Variants in LRRTM4 observed in about 807,000 individuals in gnomAD.
LRRTM4 encodes leucine-rich repeat transmembrane neuronal protein 4.
Under a neutral mutation model 47.6 loss-of-function variants are expected in LRRTM4, and 25 were observed. The ratio of observed to expected loss-of-function variants is 0.53; its 90% CI spans 0.38 to 0.73. The LOEUF is 0.73. Among genes scored for constraint, LRRTM4 ranks in the 30% least tolerant of loss-of-function variants. LRRTM4 has a pLI of 0.00. For missense variants in LRRTM4, 638 were observed against 713.4 expected (o/e 0.89, Z 1.20); for synonymous variants, 311 against 269.5 (o/e 1.15, Z -1.51).
intron 3 of LRRTM4, among the ~76,000 whole-genome samples, chr2:77,004,464 T>A (rs538861915): frequency 6.6e-6 from 1 of 152,100 alleles, no homozygotes; most frequent in African/African-American, 2.4e-5. Flanking sequence ...AAGTCAAGAA[T>A]TGAGGTTTGT....
At chr2:77,223,725 G>C (rs1674716264) in intron 3 of LRRTM4, among the ~76,000 whole-genome samples, 1 of 152,130 alleles carries the variant, frequency 6.6e-6, no homozygotes, top group East Asian at 1.9e-4. Context: ...CAAACAAATG[G>C]AAGAACATTC....
intron 3 of LRRTM4, among the ~76,000 whole-genome samples, chr2:76,877,671 A>C (rs920975758): frequency 6.6e-6 from 1 of 152,194 alleles, no homozygotes; most frequent in Non-Finnish European, 1.5e-5. Context: ...CTATTTTCTT[A>C]TGATAAAAAC....
chr2:76,937,245 G>A (rs542949885), intron 3 of LRRTM4, among the ~76,000 whole-genome samples: 21 of 152,166 alleles, frequency 1.4e-4, no homozygotes, highest in Admixed American at 1.4e-3. Flanking sequence ...TAAGTAGGAG[G>A]CATATGGCAA....
intron 3 of LRRTM4, among the ~76,000 whole-genome samples, chr2:77,001,229 T>A (rs1414753747): frequency 1.3e-5 from 2 of 152,080 alleles, no homozygotes; most frequent in African/African-American, 4.8e-5. Context: ...CTCAAAAAAG[T>A]AAGGCCCAAA....
At chr2:76,985,433 A>G (rs1676760003) in intron 3 of LRRTM4, among the ~76,000 whole-genome samples, 1 of 151,976 alleles carries the variant, frequency 6.6e-6, no homozygotes, top group Non-Finnish European at 1.5e-5. Context: ...CACCACAGAA[A>G]AGGAACAGAG....
chr2:76,754,690 G>C (rs1672966494), intron 3 of LRRTM4, among the ~76,000 whole-genome samples: 1 of 152,122 alleles, frequency 6.6e-6, no homozygotes, highest in Non-Finnish European at 1.5e-5. Flanking sequence ...CAATAGGTGA[G>C]GTGTCTACTT....
At chr2:77,478,848 C>G (rs1677538644) in intron 3 of LRRTM4, among the ~76,000 whole-genome samples, 1 of 152,184 alleles carries the variant, frequency 6.6e-6, no homozygotes, top group Non-Finnish European at 1.5e-5. Context: ...CATCTTGATT[C>G]ACCTCCTACA....
intron 3 of LRRTM4, among the ~76,000 whole-genome samples, chr2:77,392,643 C>T (rs1213231465): frequency 6.6e-6 from 1 of 151,974 alleles, no homozygotes; most frequent in African/African-American, 2.4e-5. Context: ...ACCACATGAT[C>T]TCACTTACAA....
chr2:77,292,753 C>T (rs1371384954), intron 3 of LRRTM4, among the ~76,000 whole-genome samples: 90 of 150,450 alleles, frequency 6.0e-4, no homozygotes, highest in Non-Finnish European at 3.8e-4. Context: ...TGCTAAATGA[C>T]GAGTTAATGG....
At chr2:77,495,117 C>A (rs1213487024) in intron 3 of LRRTM4, among the ~76,000 whole-genome samples, 2 of 151,990 alleles carry the variant, frequency 1.3e-5, no homozygotes, top group Non-Finnish European at 1.5e-5. Flanking sequence ...CTTTCATGCA[C>A]AAGTCTTTGT....
chr2:77,310,597 C>T (rs780487436), intron 3 of LRRTM4, among the ~76,000 whole-genome samples: 1 of 152,080 alleles, frequency 6.6e-6, no homozygotes, highest in Non-Finnish European at 1.5e-5. Flanking sequence ...CAACTGTGGT[C>T]TCACAAGCAT....
At chr2:77,375,165 C>T (rs1672788192) in intron 3 of LRRTM4, among the ~76,000 whole-genome samples, 1 of 151,658 alleles carries the variant, frequency 6.6e-6, no homozygotes, top group African/African-American at 2.4e-5. Context: ...TCTGCATTTT[C>T]AAATTTAGGA....
At chr2:76,973,856 C>G (rs1162093265) in intron 3 of LRRTM4, among the ~76,000 whole-genome samples, 1 of 151,800 alleles carries the variant, frequency 6.6e-6, no homozygotes, top group East Asian at 1.9e-4. Flanking sequence ...TACTAATTCT[C>G]ACAGCTGAGA....
chr2:77,388,906 G>T (rs1329534295), intron 3 of LRRTM4, among the ~76,000 whole-genome samples: 3 of 151,792 alleles, frequency 2.0e-5, no homozygotes, highest in African/African-American at 7.3e-5. Context: ...CAAGTATTCT[G>T]TAAACAGTAA....
intron 3 of LRRTM4, among the ~76,000 whole-genome samples, chr2:77,082,811 TA>T (rs1187438845): frequency 1.3e-5 from 2 of 152,030 alleles, no homozygotes; most frequent in Admixed American, 1.3e-4. Flanking sequence ...TTTGCTCTTT[TA>T]AAAAAAGACA....
intron 3 of LRRTM4, among the ~76,000 whole-genome samples, chr2:77,188,756 GCTCTGCCCT>G (rs1209530118): frequency 2.0e-5 from 3 of 152,250 alleles, no homozygotes; most frequent in African/African-American, 7.2e-5. Flanking sequence ...ATACTGGTCT[GCTCTGCCCT>G]CCCATTTGCA....
intron 3 of LRRTM4, among the ~76,000 whole-genome samples, chr2:77,350,983 T>C (rs755125306): frequency 3.2e-4 from 48 of 152,156 alleles, no homozygotes; most frequent in Non-Finnish European, 5.9e-4. Flanking sequence ...TAAATGCATG[T>C]CATGGGGGTT....
intron 3 of LRRTM4, among the ~76,000 whole-genome samples, chr2:76,846,429 A>C (rs1671839197): frequency 6.6e-6 from 1 of 152,316 alleles, no homozygotes; most frequent in Admixed American, 6.5e-5. Context: ...CATATTATTA[A>C]AATGGATCAA....
rs146061767 is a variant in LRRTM4, at chr2:77,290,255, G to T, written c.1551+228063C>A. Among the ~76,000 whole-genome samples the T allele has an allele frequency of 6.1e-3, 933 of 152,006 alleles. 11 individuals are homozygous for T. Among genetic ancestry groups the T allele is most frequent in the African/African-American group, 0.02 (850 of 41,488 alleles). ...AATATGAATCTAATAGTTTTGTTTG[G>T]ATGCTTGAATTCAATGGTGTCTCAT... On this transcript the variant is annotated intron_variant, in intron 3 of 3. Transcript: ENST00000409884.
Sources: allele counts gnomAD v4.1 joint callset (sites outside exome capture counted in the v4.1 genomes callset), GRCh38; gene constraint gnomAD v4.1.1; transcripts MANE v1.5; gene names NCBI Gene and HGNC (gene_info 2026-07-23, HGNC 2026-07-21).